The following SDK2 variants were observed in gnomAD, a reference collection of about 807,000 sequenced individuals.
The protein encoded by SDK2 is protein sidekick-2.
Under a neutral mutation model 253.9 loss-of-function variants are expected in SDK2, and 105 were observed. The observed-to-expected ratio is 0.41, with a 90% CI of 0.35 to 0.49. The LOEUF (loss-of-function observed/expected upper bound fraction) is 0.49, where lower values mean the gene tolerates loss of function less well. Among genes scored for constraint, SDK2 ranks in the 20% least tolerant of loss-of-function variants. The probability of loss-of-function intolerance (pLI) is 0.06; values close to 1 mark genes in which losing one functional copy is unlikely to be tolerated. For synonymous variants in SDK2, 1,249 were observed against 1,234.9 expected (o/e 1.01, Z -0.24); for missense variants, 2,608 against 3,003.0 (o/e 0.87, Z 3.07).
intron 1 of SDK2, among the ~76,000 whole-genome samples, chr17:73,524,276 C>A (rs761451392): frequency 6.6e-6 from 1 of 152,180 alleles, no homozygotes. Flanking sequence ...TGATAGCCTA[C>A]GTGTTGATAG....
rs574768739 is a variant in SDK2, at chr17:73,467,298, C to T, written c.331+4814G>A. Among the ~76,000 whole-genome samples, 54 of 152,130 alleles carry T rather than the reference C, an allele frequency of 3.5e-4. 1 individual carries two copies. Among genetic ancestry groups the T allele is most frequent in the African/African-American group, 1.2e-3 (50 of 41,500 alleles). ...TTCTTGTCCTCAAGCAGTAGAGTGG[C>T]GCTGTTTTGGAATCAGGCAGTCATG... On this transcript the variant is annotated intron_variant, in intron 3 of 44. Transcript: ENST00000392650. The surrounding 1 kb of genome is among the most constrained non-coding windows in gnomAD (Gnocchi z 4.1).
intron 1 of SDK2, among the ~76,000 whole-genome samples, chr17:73,535,887 C>T (rs772384586): frequency 4.6e-5 from 7 of 152,068 alleles, no homozygotes; most frequent in Admixed American, 6.6e-5. Flanking sequence ...AGGCAGGGGG[C>T]GGCTGGGGGT....
At chr17:73,442,958 T>C (rs544319171) in intron 5 of SDK2, among the ~76,000 whole-genome samples, 1 of 152,208 alleles carries the variant, frequency 6.6e-6, no homozygotes, top group Non-Finnish European at 1.5e-5. Flanking sequence ...AGGCCCGATA[T>C]TGGCATAAAC....
In SDK2 at chr17:73,431,759, C is replaced by G; in HGVS notation, c.1313-90G>C. 5 of 1,332,328 alleles carry G rather than the reference C, an allele frequency of 3.8e-6. No individual in the cohort carries two copies. Among genetic ancestry groups the G allele is most frequent in the Non-Finnish European group, 5.0e-6 (5 of 1,002,828 alleles). The allele number at this position is 1,332,328 out of a possible 1,614,324, so 82.5% of individuals were successfully genotyped here. A position where few individuals can be genotyped will look rare whatever the true frequency, so the allele number is the denominator to read the frequency against. On this transcript the variant is annotated intron_variant, in intron 10 of 44. Transcript: ENST00000392650. This position sits in a 1 kb window ranked among gnomAD's most constrained non-coding sequence, Gnocchi z 5.6. ...CCGCTCCAGGGCAGCATGGTCCCCC[C>G]ACAGGCCCCTGGCTCTGGAAATGCT...
chr17:73,637,685 G>A (rs547554032), intron 1 of SDK2, among the ~76,000 whole-genome samples: 1 of 152,300 alleles, frequency 6.6e-6, no homozygotes, highest in South Asian at 2.1e-4. Flanking sequence ...GGGAATATAA[G>A]TGCTGAGGCA....
At chr17:73,355,174 A>ATATATATATAT in intron 40 of SDK2, among the ~76,000 whole-genome samples, 4 of 47,238 alleles carry the variant, frequency 8.5e-5, no homozygotes, top group Admixed American at 7.4e-4. Flanking sequence ...ATATATATAT[A>ATATATATATAT]TTTTTTTTTT....
chr17:73,365,302 A>G lies in SDK2; in HGVS notation c.5261T>C (p.Leu1754Pro). 1 of 1,613,298 alleles carries G rather than the reference A, an allele frequency of 6.2e-7. No individual in the cohort carries two copies. Among genetic ancestry groups the G allele is most frequent in the Non-Finnish European group, 8.5e-7 (1 of 1,179,614 alleles). ...CTCGTACACCAGCCTGTAGCCCTCC[A>G]GGATGCCATTGGGGAACTGCGGGGC... ...WEAPQFPNGI[L>P]EGYRLVYEPC... Residue 1754 changes from leucine (L) to proline (P), a missense_variant, in exon 38 of 45, where the codon CTG (leucine) becomes CCG (proline). By Grantham distance (98) the Leu-to-Pro change is moderately conservative. Around this residue, in one of 2 missense-constraint regions of SDK2, gnomAD observed 1,103 missense variants for 1,143.9 expected, o/e 0.96. Coordinates refer to ENST00000392650, the MANE Select transcript of SDK2 (RefSeq NM_001144952.2).
intron 29 of SDK2, among the ~76,000 whole-genome samples, chr17:73,389,246 T>C (rs934186456): frequency 3.4e-5 from 5 of 145,092 alleles, no homozygotes; most frequent in African/African-American, 1.3e-4. Flanking sequence ...TGCAGTGGTG[T>C]GATCTCAGCT....
chr17:73,573,120 C>T (rs891728932), intron 1 of SDK2, among the ~76,000 whole-genome samples: 1 of 152,216 alleles, frequency 6.6e-6, no homozygotes, highest in Non-Finnish European at 1.5e-5. Flanking sequence ...GGGGCCTCTC[C>T]ATCCTCCACT....
chr17:73,478,994 A>G (rs2063704828), intron 2 of SDK2, among the ~76,000 whole-genome samples: 1 of 152,270 alleles, frequency 6.6e-6, no homozygotes, highest in African/African-American at 2.4e-5. Context: ...ACATTCATGC[A>G]CGCCGTGCTG....
In SDK2 at chr17:73,629,420, G is replaced by C. The variant is rs1394781105; in HGVS notation, c.64+14605C>G. Among the ~76,000 whole-genome samples, 1 of 152,206 alleles carries C rather than the reference G, an allele frequency of 6.6e-6. No individual in the cohort carries two copies. Among genetic ancestry groups the C allele is most frequent in the Non-Finnish European group, 1.5e-5 (1 of 68,034 alleles). On this transcript the variant is annotated intron_variant, in intron 1 of 44. Transcript: ENST00000392650. This position sits in a 1 kb window ranked among gnomAD's most constrained non-coding sequence, Gnocchi z 5.0. The stretch of plus-strand genomic sequence containing the variant: ...TGCCCAGGAATGCAAGTGACCCTGA[G>C]TGTAAGCACCTGAGGGCAGAAGCCA...
rs115782179 is a variant in SDK2 at position 73,417,468 on chromosome 17, T to C, written c.2187-1476A>G. On this transcript the variant is annotated intron_variant, in intron 16 of 44. Transcript: ENST00000392650. ...TCAACCGTGAGGGGGTGAGCACCCC[T>C]AGCCCCCACACTGTTCAAGGGTCAA... Among the ~76,000 whole-genome samples, 533 of 152,046 alleles carry C rather than the reference T, an allele frequency of 3.5e-3. 4 individuals are homozygous for C. The highest frequency in any genetic ancestry group is 0.012 in the African/African-American group (500 of 41,484).
At chr17:73,573,685 C>T (rs1266212042) in intron 1 of SDK2, among the ~76,000 whole-genome samples, 1 of 152,214 alleles carries the variant, frequency 6.6e-6, no homozygotes, top group Admixed American at 6.5e-5. Flanking sequence ...CTCCCCTCCG[C>T]TCCCTGAGCC....
intron 1 of SDK2, among the ~76,000 whole-genome samples, chr17:73,594,031 C>T (rs995202157): frequency 1.3e-5 from 2 of 152,204 alleles, no homozygotes; most frequent in Non-Finnish European, 2.9e-5. Context: ...GGCCCCACAA[C>T]CCACAGCAAT....
At chr17:73,438,414 C>T (rs556418193) in intron 6 of SDK2, among the ~76,000 whole-genome samples, 1 of 152,298 alleles carries the variant, frequency 6.6e-6, no homozygotes, top group South Asian at 2.1e-4. Context: ...CAGTGAAGTG[C>T]TTGGAACAGG....
intron 44 of SDK2, among the ~76,000 whole-genome samples, chr17:73,344,264 C>G (rs916308906): frequency 3.9e-5 from 6 of 152,176 alleles, no homozygotes; most frequent in Non-Finnish European, 7.3e-5. Flanking sequence ...CACCTGTGCC[C>G]TTATAGGTAA....
chr17:73,354,170 G>A (rs1708747905), intron 40 of SDK2, among the ~76,000 whole-genome samples: 1 of 152,112 alleles, frequency 6.6e-6, no homozygotes, highest in African/African-American at 2.4e-5. Flanking sequence ...GCCTCTCAAA[G>A]TGCTGGGATT....
chr17:73,361,668 T>C lies in SDK2; in HGVS notation c.5467+16A>G, dbSNP rs758509920. On this transcript the variant is annotated intron_variant, in intron 39 of 44. Transcript: ENST00000392650. This position sits in a 1 kb window ranked among gnomAD's most constrained non-coding sequence, Gnocchi z 4.1. The stretch of plus-strand genomic sequence containing the variant: ...ACCGCCGTGTGGAAGACATGCCTGG[T>C]CCGTTGCTCTCCTACCTTCTCCGGG... 11 of 1,606,062 alleles carry C rather than the reference T, an allele frequency of 6.8e-6. No individual in the cohort carries two copies. Among genetic ancestry groups the C allele is most frequent in the African/African-American group, 1.3e-5 (1 of 74,772 alleles).
At position 73,455,864 on chromosome 17, in the gene SDK2, GAC is replaced by G. The variant is rs977531383; in HGVS notation, c.479+40_479+41del. On this transcript the variant is annotated intron_variant, in intron 4 of 44. Transcript: ENST00000392650. The surrounding 1 kb of genome is among the most constrained non-coding windows in gnomAD (Gnocchi z 5.0). ...ATCTGGCCCCAAACCTCCTCCCCCA[GAC>G]ACCCCTCCCCTCCCCGTCCCCTCAG... The G allele has an allele frequency of 6.7e-7, 1 of 1,501,786 alleles. No individual in the cohort carries two copies. The highest frequency in any genetic ancestry group is 1.4e-5 in the African/African-American group (1 of 71,750). 93.0% of individuals were successfully genotyped at this position (1,501,786 alleles called of 1,614,324 possible). A position where few individuals can be genotyped will look rare whatever the true frequency, so the allele number is the denominator to read the frequency against.
Sources: gnomAD v4.1 joint callset for allele counts (sites outside exome capture counted in the v4.1 genomes callset) on GRCh38, gnomAD v4.1.1 for gene constraint, gnomAD v4.1.1 regional missense constraint, Gnocchi (gnomAD v3.1) non-coding constraint, MANE v1.5 for transcripts, NCBI Gene and HGNC (gene_info 2026-07-23, HGNC 2026-07-21) for gene names.